GRIK2: variants seen among roughly 807,000 people sequenced by gnomAD.
GRIK2 encodes glutamate receptor ionotropic, kainate 2.
Under a neutral mutation model 100.3 loss-of-function variants are expected in GRIK2, and 32 were observed. That is an observed-to-expected ratio of 0.32 (90% confidence interval 0.24 to 0.43). GRIK2 has a LOEUF of 0.43. Among genes scored for constraint, GRIK2 ranks in the 20% least tolerant of loss-of-function variants. The pLI, the probability that GRIK2 is intolerant of heterozygous loss-of-function variation, is 1.00. For missense variants in GRIK2, 843 were observed against 1,114.9 expected (o/e 0.76, Z 3.47); for synonymous variants, 417 against 389.4 (o/e 1.07, Z -0.83).
chr6:102,046,189 G>A (rs1770877672), intron 15 of GRIK2, among the ~76,000 whole-genome samples: 1 of 151,934 alleles, frequency 6.6e-6, no homozygotes, highest in South Asian at 2.1e-4. Context: ...AATATATAAA[G>A]CAAATATTAA....
intron 14 of GRIK2, among the ~76,000 whole-genome samples, chr6:101,941,000 T>C (rs1051035807): frequency 6.6e-6 from 1 of 152,186 alleles, no homozygotes. Flanking sequence ...GATTTGTGCA[T>C]GAGTTGTTTC....
At chr6:101,616,370 G>A (rs1025407225) in intron 2 of GRIK2, among the ~76,000 whole-genome samples, 1 of 151,612 alleles carries the variant, frequency 6.6e-6, no homozygotes, top group African/African-American at 2.4e-5. Flanking sequence ...AAATCAGAAA[G>A]TCAAAATTAA....
intron 7 of GRIK2, among the ~76,000 whole-genome samples, chr6:101,712,218 A>C (rs764123823): frequency 6.6e-6 from 1 of 151,840 alleles, no homozygotes; most frequent in South Asian, 2.1e-4. Context: ...GCTGACTGCT[A>C]TCTTTTAGAA....
At chr6:101,689,306 G>A (rs1771928180) in intron 7 of GRIK2, among the ~76,000 whole-genome samples, 2 of 152,030 alleles carry the variant, frequency 1.3e-5, no homozygotes, top group Non-Finnish European at 2.9e-5. Context: ...GGGATTATCA[G>A]CAAAGTTTCT....
At chr6:101,876,031 G>A (rs1287336629) in intron 11 of GRIK2, among the ~76,000 whole-genome samples, 1 of 151,414 alleles carries the variant, frequency 6.6e-6, no homozygotes, top group Non-Finnish European at 1.5e-5. Context: ...GTGTGTGTGT[G>A]TAAAGATCTC....
chr6:102,040,155 T>A (rs763967154), intron 15 of GRIK2, among the ~76,000 whole-genome samples: 1 of 151,520 alleles, frequency 6.6e-6, no homozygotes, highest in Admixed American at 6.6e-5. Context: ...ATACACACTA[T>A]ACATGAAGAA....
At chr6:102,061,747 A>G (rs1430269475) in intron 16 of GRIK2, among the ~76,000 whole-genome samples, 1 of 150,568 alleles carries the variant, frequency 6.6e-6, no homozygotes, top group African/African-American at 2.4e-5. Context: ...ATTAATTAAG[A>G]TAGTTAATAT....
rs944363715 is a variant in GRIK2, at chr6:101,992,246, A to C, written c.2086-43095A>C. Among the ~76,000 whole-genome samples the C allele has an allele frequency of 2.0e-5, 3 of 151,624 alleles. No individual in the cohort carries two copies. The Admixed American group carries it at 2.0e-4, about 10-fold the overall frequency. ...TGCTCCCAAGGAAAGACACCGTTAC[A>C]TGACCTCTGATTAATCTCTTCCCTC... On this transcript the variant is annotated intron_variant, in intron 14 of 16. Transcript: ENST00000369134.
rs569986372 is a variant in GRIK2 at position 101,996,131 on chromosome 6, A to T, written c.2086-39210A>T. Among the ~76,000 whole-genome samples the T allele has an allele frequency of 2.0e-5, 3 of 152,130 alleles. 1 individual carries two copies. In the South Asian group the frequency reaches 6.2e-4, roughly 32 times the overall value. On this transcript the variant is annotated intron_variant, in intron 14 of 16. Coordinates refer to ENST00000369134, the MANE Select transcript of GRIK2 (RefSeq NM_021956.5). The stretch of plus-strand genomic sequence containing the variant: ...ATAATACCTTAATGTTACTCAATTC[A>T]TTGTTCTAAGGTTGTTCTAAAATTG...
At chr6:101,475,575 G>A (rs566781110) in intron 2 of GRIK2, among the ~76,000 whole-genome samples, 18 of 151,900 alleles carry the variant, frequency 1.2e-4, no homozygotes, top group African/African-American at 4.1e-4. Flanking sequence ...GTTTTTTTGT[G>A]TGTGTCTGTT....
chr6:101,867,978 G>A (rs1428720061), intron 11 of GRIK2, among the ~76,000 whole-genome samples: 1 of 138,608 alleles, frequency 7.2e-6, no homozygotes, highest in East Asian at 1.9e-4. Context: ...TATGACTTCT[G>A]AACTTAAGCT....
chr6:101,556,200 T>C (rs891151758), intron 2 of GRIK2, among the ~76,000 whole-genome samples: 1 of 151,812 alleles, frequency 6.6e-6, no homozygotes, highest in African/African-American at 2.4e-5. Context: ...AATTTTAAAA[T>C]AATGAACATG....
intron 7 of GRIK2, among the ~76,000 whole-genome samples, chr6:101,687,209 G>A (rs1190438640): frequency 3.3e-5 from 5 of 151,934 alleles, no homozygotes; most frequent in African/African-American, 4.8e-5. Flanking sequence ...TTACTCTGTA[G>A]TAGCCAAATG....
chr6:101,637,345 A>G (rs1480331041), intron 4 of GRIK2, among the ~76,000 whole-genome samples: 1 of 152,102 alleles, frequency 6.6e-6, no homozygotes, highest in African/African-American at 2.4e-5. Flanking sequence ...CAACATAACA[A>G]AAGCCAAACT....
intron 12 of GRIK2, among the ~76,000 whole-genome samples, chr6:101,903,087 A>G (rs1245234139): frequency 6.6e-6 from 1 of 151,886 alleles, no homozygotes; most frequent in East Asian, 1.9e-4. Context: ...CAGGCTGGGA[A>G]GAAGGGAGAA....
chr6:101,677,159 T>C (rs950472897), intron 5 of GRIK2, among the ~76,000 whole-genome samples: 4 of 152,088 alleles, frequency 2.6e-5, no homozygotes, highest in African/African-American at 7.2e-5. Context: ...AATCAGCCAG[T>C]AGGAAAAAGA....
At chr6:101,590,178 G>A (rs1271826792) in intron 2 of GRIK2, among the ~76,000 whole-genome samples, 1 of 152,022 alleles carries the variant, frequency 6.6e-6, no homozygotes, top group African/African-American at 2.4e-5. Context: ...AGTTAATTCT[G>A]TGATGGACTG....
In GRIK2 at chr6:101,802,389, C is replaced by G; in HGVS notation, c.1154C>G (p.Thr385Arg). Residue 385 changes from threonine to arginine, a missense_variant, in exon 9 of 17, where the codon ACA (threonine) becomes AGA (arginine). Thr to Arg is a moderately conservative substitution (Grantham distance 71, BLOSUM62 -1). Around this residue, in one of 3 missense-constraint regions of GRIK2, gnomAD observed 519 missense variants for 643.8 expected, o/e 0.81. Coordinates refer to ENST00000369134, the MANE Select transcript of GRIK2 (RefSeq NM_021956.5). Reference sequence around the variant, plus strand: ...TTCAACAAAACCAATGGCTTGAGAACAGATTTTGATTTGGATGTGATCAGT... The same window carrying G: ...TTCAACAAAACCAATGGCTTGAGAAGAGATTTTGATTTGGATGTGATCAGT... ...ITFNKTNGLRTDFDLDVISLK... is the reference protein window; with the variant it reads ...ITFNKTNGLRRDFDLDVISLK... 6.3e-7 allele frequency: 1 copy of G among 1,590,878 alleles called. No homozygotes were observed. The highest frequency in any genetic ancestry group is 8.6e-7 in the Non-Finnish European group (1 of 1,166,890).
At chr6:101,902,543 T>C (rs1320764823) in intron 12 of GRIK2, among the ~76,000 whole-genome samples, 1 of 151,996 alleles carries the variant, frequency 6.6e-6, no homozygotes, top group African/African-American at 2.4e-5. Context: ...ATTTTTGAGT[T>C]AACTGTATAT....
Sources: allele counts gnomAD v4.1 joint callset (sites outside exome capture counted in the v4.1 genomes callset), GRCh38; gene constraint gnomAD v4.1.1; regional missense constraint gnomAD v4.1.1; transcripts MANE v1.5; gene names NCBI Gene and HGNC (gene_info 2026-07-23, HGNC 2026-07-21).